The following HTR4 variants were observed in gnomAD, a reference collection of about 807,000 sequenced individuals.
The protein encoded by HTR4 is 5-hydroxytryptamine (serotonin) receptor 4, G protein-coupled.
In HTR4, 16 loss-of-function variants were observed where a neutral mutation model predicts 36.8. The observed-to-expected ratio is 0.43, with a 90% CI of 0.29 to 0.66. The LOEUF (loss-of-function observed/expected upper bound fraction) is 0.66. HTR4 is among the 30% of genes least tolerant of loss of function. The pLI is 0.13. For synonymous variants in HTR4, 189 were observed against 185.1 expected, an observed-to-expected ratio of 1.02 and a Z score of -0.17; for missense variants, 438 against 490.9, an observed-to-expected ratio of 0.89 and a Z score of 1.02.
downstream of HTR4, among the ~76,000 whole-genome samples, chr5:148,479,086 C>T (rs369462678): frequency 2.0e-5 from 3 of 152,040 alleles, no homozygotes; most frequent in East Asian, 3.9e-4. Context: ...TGTCACACTG[C>T]CTTAAATGCC....
chr5:148,642,871 T>G (rs1047419200), intron 1 of HTR4, among the ~76,000 whole-genome samples: 2 of 152,158 alleles, frequency 1.3e-5, no homozygotes, highest in African/African-American at 4.8e-5. Context: ...TTAAAAGAAT[T>G]TCTGCCTATA....
At chr5:148,571,905 T>C (rs1760693816) in intron 2 of HTR4, among the ~76,000 whole-genome samples, 1 of 152,138 alleles carries the variant, frequency 6.6e-6, no homozygotes, top group Non-Finnish European at 1.5e-5. Flanking sequence ...CTGTAATTTA[T>C]TATCTCATGA....
chr5:148,577,946 T>C (rs1760992434), intron 2 of HTR4, among the ~76,000 whole-genome samples: 1 of 151,712 alleles, frequency 6.6e-6, no homozygotes. Context: ...TAACAAACCT[T>C]CACATGTACC....
chr5:148,550,289 A>G, intron 2 of HTR4, 27 bp from the exon 3 acceptor site: 1 of 1,612,116 alleles, frequency 6.2e-7, no homozygotes, highest in Non-Finnish European at 8.5e-7. Context: ...AGCACAAAGA[A>G]TTGAATGAAA....
intron 2 of HTR4, among the ~76,000 whole-genome samples, chr5:148,568,283 T>G (rs1237822749): frequency 6.6e-6 from 1 of 152,196 alleles, no homozygotes; most frequent in Non-Finnish European, 1.5e-5. Flanking sequence ...TGTTCTTACA[T>G]AAGCATTGCA....
At chr5:148,517,303 GCATTCCT>G (rs1757803842) in intron 5 of HTR4, among the ~76,000 whole-genome samples, 1 of 151,896 alleles carries the variant, frequency 6.6e-6, no homozygotes, top group Admixed American at 6.6e-5. Context: ...GTATCTACCT[GCATTCCT>G]CAGGTGATTT....
chr5:148,505,606 C>T (rs1407583495), intron 6 of HTR4, among the ~76,000 whole-genome samples: 4 of 152,052 alleles, frequency 2.6e-5, no homozygotes, highest in African/African-American at 9.7e-5. Context: ...GATGACATGA[C>T]TGTATATTTA....
At position 148,482,064 on chromosome 5, in the gene HTR4, A is replaced by C. The variant is rs140506676; in HGVS notation, c.*1139T>G. 1.7e-3 allele frequency: 1,631 copies of C among 981,000 alleles called. 8 individuals carry two copies. The Middle Eastern group carries it at 0.023, about 14-fold the overall frequency. The allele number at this position is 981,000 out of a possible 1,614,324, so 60.8% of individuals were successfully genotyped here. On this transcript the variant is annotated 3_prime_UTR_variant, in exon 7 of 7. Transcript: ENST00000377888. ...TGTGGAAAGTGGGGTCCAGAGATGA[A>C]AGAACACTATTCAAGATCTCACAGC... is the stretch of plus-strand genomic sequence containing the variant.
intron 6 of HTR4, among the ~76,000 whole-genome samples, chr5:148,492,597 G>C (rs576398600): frequency 1.7e-3 from 265 of 152,302 alleles, no homozygotes; most frequent in African/African-American, 6.2e-3. Context: ...ATGATGCTAT[G>C]CAAATACTTA....
intron 6 of HTR4, among the ~76,000 whole-genome samples, chr5:148,496,736 CCCATCA>C (rs1756701187): frequency 6.6e-6 from 1 of 152,134 alleles, no homozygotes; most frequent in Admixed American, 6.6e-5. Context: ...AGATGGGATG[CCCATCA>C]CCAGTGATGA....
chr5:148,623,383 A>G (rs1752982180), intron 2 of HTR4, among the ~76,000 whole-genome samples: 1 of 152,142 alleles, frequency 6.6e-6, no homozygotes, highest in Non-Finnish European at 1.5e-5. Flanking sequence ...CTGTGGGAAG[A>G]GACAAGAGAT....
rs144226189 is a variant in HTR4 at position 148,641,276 on chromosome 5, A to C, written c.-47-4215T>G. Among the ~76,000 whole-genome samples the C allele has an allele frequency of 6.2e-3, 938 of 152,288 alleles. 11 individuals carry two copies. Among genetic ancestry groups the C allele is most frequent in the Non-Finnish European group, 0.01 (685 of 68,018 alleles). ...GGTACAAGTTGTGTCACTTCTAAAA[A>C]TTCTGCCAATTCAAATCCATTAAGA... On this transcript the variant is annotated intron_variant, in intron 1 of 6. Coordinates refer to ENST00000377888, the MANE Select transcript of HTR4 (RefSeq NM_000870.7).
intron 2 of HTR4, among the ~76,000 whole-genome samples, chr5:148,590,016 A>T (rs1761499452): frequency 6.6e-6 from 1 of 152,016 alleles, no homozygotes; most frequent in Non-Finnish European, 1.5e-5. Context: ...GCACTCCCTA[A>T]TCCTTGGCAA....
chr5:148,452,617 A>G (rs1755000490), intron 5 of HTR4, among the ~76,000 whole-genome samples: 1 of 152,204 alleles, frequency 6.6e-6, no homozygotes, highest in East Asian at 1.9e-4. Context: ...TAGAATAACT[A>G]GTCCCTTTAG....
rs933628834 is a variant in HTR4 at position 148,580,131 on chromosome 5, G to C, written c.27-29869C>G. The stretch of plus-strand genomic sequence containing the variant: ...TTTGCAATCCTCAGCTATAAAATGG[G>C]AACAATGGTGCTCACTGCAGAGAAA... On this transcript the variant is annotated intron_variant, in intron 2 of 6. Transcript: ENST00000377888. Among the ~76,000 whole-genome samples, 14 of 152,066 alleles carry C rather than the reference G, an allele frequency of 9.2e-5. No individual in the cohort carries two copies. In the South Asian group the frequency reaches 2.5e-3, roughly 27 times the overall value.
intron 5 of HTR4, among the ~76,000 whole-genome samples, chr5:148,457,831 A>ATG (rs1755140530): frequency 8.1e-6 from 1 of 122,816 alleles, no homozygotes; most frequent in African/African-American, 3.2e-5. Context: ...ATTAAAATAT[A>ATG]TATTTTGTTA....
intron 2 of HTR4, among the ~76,000 whole-genome samples, chr5:148,617,232 C>T (rs1287981395): frequency 6.6e-6 from 1 of 152,170 alleles, no homozygotes; most frequent in African/African-American, 2.4e-5. Context: ...GTCCTTCCCA[C>T]TTCCCTCTCT....
chr5:148,469,891 A>G (rs1198301918), intron 5 of HTR4, among the ~76,000 whole-genome samples: 1 of 152,210 alleles, frequency 6.6e-6, no homozygotes, highest in Non-Finnish European at 1.5e-5. Flanking sequence ...GCTAGTCCAC[A>G]TTCCGCCTCT....
intron 4 of HTR4, among the ~76,000 whole-genome samples, chr5:148,539,564 A>G (rs1022076591): frequency 2.0e-5 from 3 of 152,258 alleles, no homozygotes; most frequent in African/African-American, 7.2e-5. Context: ...GTCAAAGGAC[A>G]TGAACAGACA....
Sources: gnomAD v4.1 joint callset for allele counts (sites outside exome capture counted in the v4.1 genomes callset) on GRCh38, gnomAD v4.1.1 for gene constraint, MANE v1.5 for transcripts, NCBI Gene and HGNC (gene_info 2026-07-23, HGNC 2026-07-21) for gene names.